Variants in CR1 observed in about 807,000 individuals in gnomAD.
CR1 encodes complement C3b/C4b receptor 1 (Knops blood group).
Under a neutral mutation model 187.3 loss-of-function variants are expected in CR1, and 116 were observed. That is an observed-to-expected ratio of 0.62 (90% CI 0.53 to 0.72). CR1 has a LOEUF of 0.72. CR1 is among the 30% of genes least tolerant of loss of function. The pLI is 0.00. For synonymous variants in CR1, 576 were observed against 747.1 expected (o/e 0.77, Z 3.73); for missense variants, 1,731 against 2,110.7 (o/e 0.82, Z 3.52).
At chr1:207,508,133 G>C (rs1659502183) in intron 3 of CR1, among the ~76,000 whole-genome samples, 1 of 152,240 alleles carries the variant, frequency 6.6e-6, no homozygotes, top group South Asian at 2.1e-4. Context: ...GGTTGTCAGG[G>C]GTTAGGGAAG....
chr1:207,526,646 CT>C, intron 5 of CR1, 106 bp from the exon 6 acceptor site: 2 of 1,449,236 alleles, frequency 1.4e-6, no homozygotes, highest in African/African-American at 1.6e-5. Context: ...GTTATTCTAA[CT>C]TTATTATTAT....
chr1:207,512,619 A>G (rs1571504420), intron 4 of CR1, among the ~76,000 whole-genome samples: 1 of 152,210 alleles, frequency 6.6e-6, no homozygotes, highest in Non-Finnish European at 1.5e-5. Context: ...TAGAAAGTTT[A>G]AGAGCTTCAG....
chr1:207,586,712 C>T (rs1397122241), intron 33 of CR1, among the ~76,000 whole-genome samples: 4 of 152,128 alleles, frequency 2.6e-5, no homozygotes, highest in Admixed American at 2.0e-4. Flanking sequence ...TCATTCAAAT[C>T]CCTGCCTCCA....
Position 207,614,463 on chromosome 1 carries a change from G to A in CR1, c.6635G>A (p.Trp2212Ter), listed in dbSNP as rs2102391269. The change falls in exon 40 of 47, where the codon TGG becomes TAG. Residue 2212 changes from tryptophan to a stop codon, truncating the protein, a stop_gained. Transcript: ENST00000367049. LOFTEE classifies it high-confidence loss of function. ...HCVLAGMKALWNSSVPVCEQI... is the reference protein window; with the variant it reads ...HCVLAGMKAL ...GTCTTGGCTGGAATGAAAGCCCTTT[G>A]GAATAGCAGTGTTCCAGTGTGTGAA... The A allele has an allele frequency of 6.2e-7, 1 of 1,611,310 alleles. No individual in the cohort carries two copies. The highest frequency in any genetic ancestry group is 2.2e-5 in the East Asian group (1 of 44,692).
intron 1 of CR1, among the ~76,000 whole-genome samples, chr1:207,497,583 A>G (rs1571344): frequency 0.18 from 28,152 of 152,222 alleles, 3,734 homozygotes; most frequent in African/African-American, 0.37. Context: ...CTTAGGCACC[A>G]GAAAGTAACC....
chr1:207,586,136 G>GTT (rs978519451), intron 33 of CR1, among the ~76,000 whole-genome samples: 1 of 151,862 alleles, frequency 6.6e-6, no homozygotes, highest in African/African-American at 2.4e-5. Flanking sequence ...GTGTGTGTGT[G>GTT]TGTGTGTGTG....
intron 3 of CR1, among the ~76,000 whole-genome samples, chr1:207,507,970 G>C (rs755934670): frequency 4.6e-5 from 7 of 152,190 alleles, no homozygotes; most frequent in Non-Finnish European, 8.8e-5. Flanking sequence ...GAGCTATCAA[G>C]CCATGAAGAG....
chr1:207,566,031 C>T (rs2102325050), intron 24 of CR1, 108 bp downstream of exon 24: 7 of 1,420,478 alleles, frequency 4.9e-6, no homozygotes, highest in South Asian at 1.2e-5. Flanking sequence ...TCTTAATTAT[C>T]GATTTAAAAA....
Position 207,513,260 on chromosome 1 carries a change from C to T in CR1, c.487+1606C>T, listed in dbSNP as rs1162841666. ...TCAGCTCAAATATGCATTACAAGAA[C>T]CCCCATTGTCTCTGGCAATTAAGTG... On this transcript the variant is annotated intron_variant, in intron 4 of 46. Coordinates refer to ENST00000367049, the MANE Select transcript of CR1 (RefSeq NM_000651.6). 4.6e-5 allele frequency among the ~76,000 whole-genome samples: 7 copies of T among 152,320 alleles called. No homozygotes were observed. The East Asian group carries it at 1.3e-3, about 29-fold the overall frequency.
chr1:207,601,482 A>T (rs1661603197), intron 35 of CR1, among the ~76,000 whole-genome samples: 1 of 152,146 alleles, frequency 6.6e-6, no homozygotes, highest in South Asian at 2.1e-4. Context: ...AACTTTTCAA[A>T]GAATTGCCAG....
intron 4 of CR1, among the ~76,000 whole-genome samples, chr1:207,521,059 C>T (rs1202443514): frequency 6.8e-6 from 1 of 146,566 alleles, no homozygotes; most frequent in African/African-American, 2.5e-5. Flanking sequence ...TCACTGCAAC[C>T]TCCGCCTCCG....
chr1:207,610,369 G>A (rs191643893), intron 37 of CR1, among the ~76,000 whole-genome samples: 2 of 152,266 alleles, frequency 1.3e-5, no homozygotes, highest in East Asian at 1.9e-4. Context: ...GTCTCGCTCT[G>A]TTGCCCAGGC....
At chr1:207,524,675 A>G (rs1203690080) in intron 5 of CR1, among the ~76,000 whole-genome samples, 1 of 152,000 alleles carries the variant, frequency 6.6e-6, no homozygotes, top group African/African-American at 2.4e-5. Flanking sequence ...GGCATGAGCC[A>G]CCGTGCCCGG....
rs530118972 is a variant in CR1 at position 207,577,887 on chromosome 1, G to A, written c.4620G>A (p.Val1540=). 6.2e-7 allele frequency: 1 copy of A among 1,613,538 alleles called. No individual in the cohort carries two copies. ...GAGAGAATTTTCACTATGGATCAGT[G>A]GTGACCTACCGCTGCAATCTTGGAA... is the stretch of plus-strand genomic sequence containing the variant. ...TNRENFHYGS[V]VTYRCNLGSR... is the part of the protein sequence containing the mutation. Residue 1540 remains valine (V), a synonymous_variant, in exon 29 of 47, where the codon GTG becomes GTA. Coordinates refer to ENST00000367049, the MANE Select transcript of CR1 (RefSeq NM_000651.6).
At chr1:207,593,064 T>C (rs1177126445) in intron 35 of CR1, among the ~76,000 whole-genome samples, 1 of 143,380 alleles carries the variant, frequency 7.0e-6, no homozygotes, top group Non-Finnish European at 1.5e-5. Flanking sequence ...AAATTACCAA[T>C]GGCTTTCTTC....
intron 29 of CR1, 115 bp downstream of exon 29, chr1:207,578,318 G>A: frequency 6.3e-7 from 1 of 1,580,806 alleles, no homozygotes. Flanking sequence ...GGGAAAGTAA[G>A]TTTTGGGGGA....
chr1:207,633,944 G>C (rs941780518), intron 46 of CR1, among the ~76,000 whole-genome samples: 3 of 152,212 alleles, frequency 2.0e-5, no homozygotes, highest in Admixed American at 2.0e-4. Context: ...GCGGGCAGAA[G>C]TGGGGGTCGC....
chr1:207,634,061 G>A (rs976543729), intron 46 of CR1, among the ~76,000 whole-genome samples: 1 of 152,246 alleles, frequency 6.6e-6, no homozygotes, highest in Admixed American at 6.5e-5. Context: ...CATTTCTTTT[G>A]TGGTGGAATG....
At chr1:207,581,337 T>C (rs538281409) in intron 31 of CR1, among the ~76,000 whole-genome samples, 1 of 139,820 alleles carries the variant, frequency 7.2e-6, no homozygotes, top group South Asian at 2.1e-4. Flanking sequence ...TGTACATGTG[T>C]ATATGTATAC....
Sources: gnomAD v4.1 joint callset for allele counts (sites outside exome capture counted in the v4.1 genomes callset) on GRCh38, gnomAD v4.1.1 for gene constraint, MANE v1.5 for transcripts, NCBI Gene and HGNC (gene_info 2026-07-23, HGNC 2026-07-21) for gene names.